Variants in SPATA6 observed in about 807,000 individuals in gnomAD.
SPATA6 encodes spermatogenesis associated 6, also known as spermatogenesis-associated protein 6.
SPATA6 carries 56 observed loss-of-function variants against 65.3 expected under a neutral mutation model. The observed-to-expected ratio is 0.86, with a 90% CI of 0.69 to 1.07. SPATA6 has a LOEUF of 1.07. SPATA6 is among the 50% of genes least tolerant of loss of function. The pLI, the probability that SPATA6 is intolerant of heterozygous loss-of-function variation, is 0.00. For synonymous variants in SPATA6, 199 were observed against 213.2 expected (o/e 0.93, Z 0.58); for missense variants, 590 against 594.8 (o/e 0.99, Z 0.08).
intron 9 of SPATA6, among the ~76,000 whole-genome samples, chr1:48,384,290 C>A (rs1321309964): frequency 2.6e-5 from 3 of 113,598 alleles, no homozygotes; most frequent in Non-Finnish European, 3.7e-5. Flanking sequence ...GCAGCAGTAC[C>A]GTCCAGCCTT....
chr1:48,272,551 G>A, the SPATA6 span, among the ~76,000 whole-genome samples: 56 of 152,136 alleles, frequency 3.7e-4, no homozygotes, highest in African/African-American at 1.3e-3. Flanking sequence ...ATTCCTTTGT[G>A]TATATATATA....
intron 11 of SPATA6, among the ~76,000 whole-genome samples, chr1:48,348,117 G>C (rs1354155005): frequency 6.6e-6 from 1 of 151,820 alleles, no homozygotes; most frequent in African/African-American, 2.4e-5. Flanking sequence ...GCGGGCAGTG[G>C]GCAAGAACAA....
intron 9 of SPATA6, among the ~76,000 whole-genome samples, chr1:48,369,549 C>T (rs368997504): frequency 3.2e-4 from 49 of 152,174 alleles, no homozygotes; most frequent in African/African-American, 1.1e-3. Flanking sequence ...TAGCAATCAG[C>T]GAGACTCCGT....
chr1:48,399,737 G>T, intron 6 of SPATA6, 93 bp from the exon 7 acceptor site: 2 of 1,201,740 alleles, frequency 1.7e-6, no homozygotes, highest in Non-Finnish European at 2.3e-6. Context: ...TAAATAAGAC[G>T]CAAAATCTAT....
At chr1:48,387,006 A>G (rs190002196) in intron 8 of SPATA6, among the ~76,000 whole-genome samples, 62 of 152,342 alleles carry the variant, frequency 4.1e-4, no homozygotes, top group African/African-American at 1.3e-3. Context: ...GCAATTTACA[A>G]AAGAAAGCAG....
At position 48,457,056 on chromosome 1, in the gene SPATA6, G is replaced by A. The variant is rs191020323; in HGVS notation, c.52-3925C>T. On this transcript the variant is annotated intron_variant, in intron 1 of 12. Coordinates refer to ENST00000371847, the MANE Select transcript of SPATA6 (RefSeq NM_019073.4). ...GACCAGCCTGGGCAACATAGTGAGA[G>A]CCTCTCTCTACAGAAAAAAAAAATT... Among the ~76,000 whole-genome samples, 167 of 151,360 alleles carry A rather than the reference G, an allele frequency of 1.1e-3. 1 individual carries two copies. Among genetic ancestry groups the A allele is most frequent in the Admixed American group, 9.1e-3 (139 of 15,208 alleles).
intron 11 of SPATA6, among the ~76,000 whole-genome samples, chr1:48,337,288 A>C (rs1205482598): frequency 2.6e-5 from 4 of 151,920 alleles, no homozygotes; most frequent in East Asian, 3.8e-4. Context: ...GTAGCAGAAT[A>C]ATCATCTCAG....
rs1022165966 is a variant in SPATA6, at chr1:48,370,704, G to T, written c.910-10934C>A. 2.6e-5 allele frequency among the ~76,000 whole-genome samples: 4 copies of T among 152,228 alleles called. No individual in the cohort carries two copies. The East Asian group carries it at 7.7e-4, about 29-fold the overall frequency. On this transcript the variant is annotated intron_variant, in intron 9 of 12. Transcript: ENST00000371847. ...CTCACAACAACCTTATAAGGTAGAC[G>T]TTTTTATTATCTGTACTTTATTGGT...
the SPATA6 span, among the ~76,000 whole-genome samples, chr1:48,267,845 G>A: frequency 0.016 from 2,172 of 132,594 alleles, 55 homozygotes; most frequent in African/African-American, 0.057. Flanking sequence ...TCCGCCTCCC[G>A]GGTTCATGCC....
At chr1:48,355,612 T>G in intron 11 of SPATA6, 58 bp downstream of exon 11, 1 of 1,222,828 alleles carries the variant, frequency 8.2e-7, no homozygotes, top group Non-Finnish European at 1.2e-6. Flanking sequence ...TTAGGCATCT[T>G]TGGTGGTTTT....
intron 3 of SPATA6, among the ~76,000 whole-genome samples, chr1:48,421,542 A>T (rs1294699536): frequency 6.6e-6 from 1 of 152,158 alleles, no homozygotes; most frequent in Non-Finnish European, 1.5e-5. Flanking sequence ...CATTAAGCCA[A>T]TCGTAAATAA....
At chr1:48,334,720 G>T (rs551942199) in intron 11 of SPATA6, among the ~76,000 whole-genome samples, 1 of 152,194 alleles carries the variant, frequency 6.6e-6, no homozygotes, top group South Asian at 2.1e-4. Context: ...TTGAAAATCG[G>T]CATAAGACAA....
intron 11 of SPATA6, among the ~76,000 whole-genome samples, chr1:48,317,540 G>A (rs1019840544): frequency 5.9e-5 from 9 of 151,874 alleles, no homozygotes; most frequent in African/African-American, 2.2e-4. Flanking sequence ...GGTGGGGGGA[G>A]AGGGGAGGGA....
chr1:48,367,466 G>A (rs1000780719), intron 9 of SPATA6, among the ~76,000 whole-genome samples: 1 of 152,188 alleles, frequency 6.6e-6, no homozygotes, highest in African/African-American at 2.4e-5. Context: ...CTTGCTTTAT[G>A]AATCTGCATG....
rs536464915 is a variant in SPATA6 at position 48,471,114 on chromosome 1, A to C, written c.51+844T>G. Among the ~76,000 whole-genome samples the C allele has an allele frequency of 3.3e-5, 5 of 152,270 alleles. No individual in the cohort carries two copies. In the South Asian group the frequency reaches 1.0e-3, roughly 32 times the overall value. On this transcript the variant is annotated intron_variant, in intron 1 of 12. Transcript: ENST00000371847. ...CCCTTGGAAGTCTTCTGAGATCAAC[A>C]AGGGGAATAGAGTTTTCTCCTAGCA...
At chr1:48,299,251 C>T (rs1175977259) in intron 12 of SPATA6, among the ~76,000 whole-genome samples, 3 of 152,016 alleles carry the variant, frequency 2.0e-5, no homozygotes, top group South Asian at 2.1e-4. Context: ...CAGTGGCTCA[C>T]GCCTATAATC....
chr1:48,273,888 G>A, the SPATA6 span, among the ~76,000 whole-genome samples: 1 of 152,116 alleles, frequency 6.6e-6, no homozygotes, highest in South Asian at 2.1e-4. Context: ...AAATGGTATT[G>A]CTGGTTCTAG....
At chr1:48,265,805 T>C in the SPATA6 span, among the ~76,000 whole-genome samples, 2 of 152,184 alleles carry the variant, frequency 1.3e-5, no homozygotes, top group African/African-American at 4.8e-5. Flanking sequence ...TTGGAACCAC[T>C]GACCTTGAAC....
chr1:48,283,722 A>AAAGAAAGAAAG, the SPATA6 span, among the ~76,000 whole-genome samples: 1 of 148,948 alleles, frequency 6.7e-6, no homozygotes, highest in African/African-American at 2.5e-5. Context: ...AGAAAGAAAG[A>AAAGAAAGAAAG]AAATTCTTTT....
Sources: gnomAD v4.1 joint callset for allele counts (sites outside exome capture counted in the v4.1 genomes callset) on GRCh38, gnomAD v4.1.1 for gene constraint, MANE v1.5 for transcripts, NCBI Gene and HGNC (gene_info 2026-07-23, HGNC 2026-07-21) for gene names.